TMPRSS6: variants seen among roughly 807,000 people sequenced by gnomAD.
TMPRSS6 encodes the protein transmembrane protease serine 6.
In TMPRSS6, 67 loss-of-function variants were observed where a neutral mutation model predicts 101.5. The ratio of observed to expected loss-of-function variants is 0.66; its 90% CI spans 0.54 to 0.81. The LOEUF is 0.81. Ranked by LOEUF, TMPRSS6 falls within the 30% of genes least tolerant of loss-of-function variation. The pLI, the probability that TMPRSS6 is intolerant of heterozygous loss-of-function variation, is 0.00. For synonymous variants in TMPRSS6, 453 were observed against 464.9 expected (o/e 0.97, Z 0.33); for missense variants, 1,034 against 1,088.7 (o/e 0.95, Z 0.71).
At chr22:37,108,472 C>A (rs228914) in intron 1 of TMPRSS6, among the ~76,000 whole-genome samples, 137,743 of 152,184 alleles carry the variant, frequency 0.91, 62,518 homozygotes, top group East Asian at 1. Context: ...GAAGCAGTCC[C>A]CCAGCTCTGA....
At chr22:37,099,196 T>C (rs1334042036) in intron 2 of TMPRSS6, among the ~76,000 whole-genome samples, 1 of 152,016 alleles carries the variant, frequency 6.6e-6, no homozygotes, top group Non-Finnish European at 1.5e-5. Flanking sequence ...ATGGGGAAAC[T>C]GTAAATTGGT....
At chr22:37,100,386 C>A (rs538384104) in intron 2 of TMPRSS6, among the ~76,000 whole-genome samples, 2 of 151,318 alleles carry the variant, frequency 1.3e-5, no homozygotes, top group African/African-American at 4.9e-5. Flanking sequence ...CGAGGACACG[C>A]CTGCAGGGCT....
rs1410551860 is a variant in TMPRSS6, at chr22:37,101,873, C to G, written c.202+1343G>C. On this transcript the variant is annotated intron_variant, in intron 2 of 17. Transcript: ENST00000676104. This position sits in a 1 kb window ranked among gnomAD's most constrained non-coding sequence, Gnocchi z 4.1. Reference sequence around the variant, plus strand: ...AGCCCGCTACCTGAGGAGGCCCCCACAGCCCTGTGCTATCTGGGGCACTGG... The same window carrying G: ...AGCCCGCTACCTGAGGAGGCCCCCAGAGCCCTGTGCTATCTGGGGCACTGG... Among the ~76,000 whole-genome samples, 3 of 152,350 alleles carry G rather than the reference C, an allele frequency of 2.0e-5. No homozygotes were observed. In the South Asian group the frequency reaches 6.2e-4, roughly 32 times the overall value.
chr22:37,097,574 G>A (rs914930840), intron 3 of TMPRSS6, among the ~76,000 whole-genome samples: 1 of 152,286 alleles, frequency 6.6e-6, no homozygotes, highest in African/African-American at 2.4e-5. Flanking sequence ...GCCTTGCTGG[G>A]CAGTGGTCCT....
chr22:37,099,717 G>A (rs117568848), intron 2 of TMPRSS6, among the ~76,000 whole-genome samples: 1 of 152,330 alleles, frequency 6.6e-6, no homozygotes, highest in East Asian at 1.9e-4. Flanking sequence ...CAGGGCATGG[G>A]ACGGGCTGCG....
At chr22:37,082,292 G>A (rs879498530) in intron 10 of TMPRSS6, among the ~76,000 whole-genome samples, 7 of 152,136 alleles carry the variant, frequency 4.6e-5, no homozygotes, top group South Asian at 2.1e-4. Flanking sequence ...CCAGGCCACC[G>A]AACCCCCCAC....
At chr22:37,078,696 A>AG (rs71193292) in intron 10 of TMPRSS6, among the ~76,000 whole-genome samples, 8,886 of 73,250 alleles carry the variant, frequency 0.12, 526 homozygotes, top group African/African-American at 0.23. Flanking sequence ...AGGAAGAGGA[A>AG]GAGGAAGAGG....
In TMPRSS6 at chr22:37,103,187, G is replaced by A; in HGVS notation, c.202+29C>T. 1 of 1,611,886 alleles carries A rather than the reference G, an allele frequency of 6.2e-7. No homozygotes were observed. The highest frequency in any genetic ancestry group is 1.1e-5 in the South Asian group (1 of 91,050). ...CAGTCACCCCAAGTCCTCCCCAGGT[G>A]CCTCTCCCAGGCGGTCCCACAACGT... On this transcript the variant is annotated intron_variant, in intron 2 of 17. Transcript: ENST00000676104. This position sits in a 1 kb window ranked among gnomAD's most constrained non-coding sequence, Gnocchi z 4.4.
In TMPRSS6 at chr22:37,086,366, G is replaced by A; in HGVS notation, c.890C>T (p.Ala297Val). The A allele has an allele frequency of 6.2e-7, 1 of 1,611,630 alleles. No individual in the cohort carries two copies. Among genetic ancestry groups the A allele is most frequent in the Non-Finnish European group, 8.5e-7 (1 of 1,178,910 alleles). Residue 297 changes from alanine (A) to valine (V), a missense_variant, in exon 8 of 18, where the codon GCC becomes GTC. Transcript: ENST00000676104. ...EPVVEVLASG[A>V]IMAVVWKKGL... Reference sequence around the variant, plus strand: ...CTTCTTCCAGACGACCGCCATGATGGCCCCCGACGCCAGAACCTCCACCAC... The same window carrying A: ...CTTCTTCCAGACGACCGCCATGATGACCCCCGACGCCAGAACCTCCACCAC...
intron 16 of TMPRSS6, 93 bp downstream of exon 16, chr22:37,068,980 G>C (rs917147653): frequency 4.7e-6 from 7 of 1,496,388 alleles, no homozygotes; most frequent in African/African-American, 1.4e-5. Context: ...TGGAGCCCCG[G>C]GACCCCCAGC....
intron 12 of TMPRSS6, 124 bp from the exon 13 acceptor site, chr22:37,073,769 CTTTA>C: frequency 1.3e-6 from 1 of 745,854 alleles, no homozygotes. Context: ...TTCTCTGCTA[CTTTA>C]TTTTTATGTC....
At chr22:37,092,923 G>A (rs1569018568) in intron 6 of TMPRSS6, among the ~76,000 whole-genome samples, 1 of 152,174 alleles carries the variant, frequency 6.6e-6, no homozygotes, top group Non-Finnish European at 1.5e-5. Flanking sequence ...GCTTTGGAAC[G>A]AACAATTCCC....
At position 37,066,318 on chromosome 22, in the gene TMPRSS6, C is replaced by G. The variant is rs73886917; in HGVS notation, c.2251-80G>C. On this transcript the variant is annotated intron_variant, in intron 17 of 17. Transcript: ENST00000676104. ...AGGTGAAGAGCCATAGGGATTAAGT[C>G]CTGACTGTTGGGAATTGACTGGGTG... 957 of 1,390,058 alleles carry G rather than the reference C, an allele frequency of 6.9e-4. 6 individuals carry two copies. In the African/African-American group the frequency reaches 0.013, roughly 18 times the overall value. 86.1% of individuals were successfully genotyped at this position (1,390,058 alleles called of 1,614,324 possible). A position where few individuals can be genotyped will look rare whatever the true frequency, so the allele number is the denominator to read the frequency against.
chr22:37,066,068 G>A lies in TMPRSS6; in HGVS notation c.*12C>T, dbSNP rs1336568519. ...CCAGGAGGTGGGCCCTGCTTTGCAGGGGGGCAGTTCCTCAGGTCACCACTT... is the reference window on the plus strand; with the variant it reads ...CCAGGAGGTGGGCCCTGCTTTGCAGAGGGGCAGTTCCTCAGGTCACCACTT... On this transcript the variant is annotated 3_prime_UTR_variant, in exon 18 of 18. Transcript: ENST00000676104. The A allele has an allele frequency of 1.2e-6, 2 of 1,613,354 alleles. No individual in the cohort carries two copies. Among genetic ancestry groups the A allele is most frequent in the Non-Finnish European group, 1.7e-6 (2 of 1,179,988 alleles).
chr22:37,086,371 C>T lies in TMPRSS6; in HGVS notation c.885G>A (p.Ser295=), dbSNP rs779171756. The change falls in exon 8 of 18, where the codon TCG becomes TCA. Residue 295 remains serine (S), a synonymous_variant. Transcript: ENST00000676104. The stretch of plus-strand genomic sequence containing the variant: ...TCCAGACGACCGCCATGATGGCCCC[C>T]GACGCCAGAACCTCCACCACGGGCT... ...RQEPVVEVLA[S]GAIMAVVWKK... is the part of the protein sequence containing the mutation. 1.1e-4 allele frequency: 175 copies of T among 1,610,738 alleles called. No homozygotes were observed. The highest frequency in any genetic ancestry group is 1.8e-4 in the Admixed American group (11 of 59,562).
chr22:37,066,262 A>G (rs756917234), intron 17 of TMPRSS6, 24 bp from the exon 18 acceptor site: 2 of 1,595,578 alleles, frequency 1.3e-6, no homozygotes, highest in African/African-American at 1.3e-5. Context: ...AGGAGAAAGG[A>G]CTGAAGCAGG....
In TMPRSS6 at chr22:37,069,134, G is replaced by C. The variant is rs1000305950; in HGVS notation, c.2052C>G (p.Ser684=). The change falls in exon 16 of 18, where the codon TCC becomes TCG. Residue 684 remains serine (S), a synonymous_variant. Coordinates refer to ENST00000676104, the MANE Select transcript of TMPRSS6 (RefSeq NM_001374504.1). The surrounding 1 kb of genome is among the most constrained non-coding windows in gnomAD (Gnocchi z 4.8). Reference sequence around the variant, plus strand: ...AGTGCAGGCCGGGCTCGAAGAAGTGGGAGCGCGCGGGCAGGCAGACGGGGC... The same window carrying C: ...AGTGCAGGCCGGGCTCGAAGAAGTGCGAGCGCGCGGGCAGGCAGACGGGGC... ...AVRPVCLPAR[S]HFFEPGLHCW... is the part of the protein sequence containing the mutation. 2.0e-5 allele frequency: 31 copies of C among 1,568,524 alleles called. No individual in the cohort carries two copies. The highest frequency in any genetic ancestry group is 2.4e-5 in the Non-Finnish European group (28 of 1,158,916).
At chr22:37,089,551 C>CA in intron 7 of TMPRSS6, 27 bp downstream of exon 7, 9 of 1,415,264 alleles carry the variant, frequency 6.4e-6, no homozygotes, top group Non-Finnish European at 7.9e-6. Context: ...CCAGCCCTCC[C>CA]TCCTGCCCTC....
intron 13 of TMPRSS6, among the ~76,000 whole-genome samples, chr22:37,073,061 T>TGATGGATG (rs569666222): frequency 7.5e-6 from 1 of 133,668 alleles, no homozygotes; most frequent in Admixed American, 7.6e-5. Flanking sequence ...GATGGATGGA[T>TGATGGATG]GATGGATGGA....
Sources: allele counts gnomAD v4.1 joint callset (sites outside exome capture counted in the v4.1 genomes callset), GRCh38; gene constraint gnomAD v4.1.1; non-coding constraint Gnocchi (gnomAD v3.1); transcripts MANE v1.5; gene names NCBI Gene and HGNC (gene_info 2026-07-23, HGNC 2026-07-21).